ITCH: variants seen among roughly 807,000 people sequenced by gnomAD.
ITCH encodes itchy E3 ubiquitin protein ligase.
In ITCH, 28 loss-of-function variants were observed where a neutral mutation model predicts 126.8. That is an observed-to-expected ratio of 0.22 (90% CI 0.16 to 0.30). The LOEUF (loss-of-function observed/expected upper bound fraction) is 0.30, where lower values mean the gene tolerates loss of function less well. ITCH is among the 10% of genes least tolerant of loss of function. ITCH has a pLI of 1.00. For synonymous variants in ITCH, 342 were observed against 340.0 expected (o/e 1.01, Z -0.06); for missense variants, 631 against 1,032.4 (o/e 0.61, Z 5.33).
intron 10 of ITCH, among the ~76,000 whole-genome samples, chr20:34,444,555 C>A (rs1423648759): frequency 1.3e-5 from 2 of 152,096 alleles, no homozygotes; most frequent in East Asian, 1.9e-4. Context: ...TGCACTCCAT[C>A]CAGTCTGGGC....
At chr20:34,503,660 A>C (rs757341851) in intron 23 of ITCH, among the ~76,000 whole-genome samples, 1 of 152,158 alleles carries the variant, frequency 6.6e-6, no homozygotes, top group African/African-American at 2.4e-5. Context: ...TTTATTAATC[A>C]TAACAATGTG....
chr20:34,376,319 C>T (rs959069055), intron 2 of ITCH, among the ~76,000 whole-genome samples: 1 of 151,944 alleles, frequency 6.6e-6, no homozygotes, highest in Admixed American at 6.6e-5. Context: ...CCTATTGTCC[C>T]AGCTGAAGTG....
At chr20:34,391,352 A>G (rs936521190) in intron 2 of ITCH, among the ~76,000 whole-genome samples, 6 of 152,162 alleles carry the variant, frequency 3.9e-5, no homozygotes, top group African/African-American at 1.4e-4. Flanking sequence ...ATAGGAATAT[A>G]TAGTGTTTTA....
At chr20:34,456,003 G>C (rs895801205) in intron 12 of ITCH, among the ~76,000 whole-genome samples, 2 of 151,230 alleles carry the variant, frequency 1.3e-5, no homozygotes, top group African/African-American at 4.9e-5. Context: ...TAAGGAACGA[G>C]ATATGTTAAG....
intron 20 of ITCH, among the ~76,000 whole-genome samples, chr20:34,487,224 G>C (rs1196955165): frequency 6.6e-6 from 1 of 151,602 alleles, no homozygotes; most frequent in East Asian, 1.9e-4. Context: ...GTGTTAGCCA[G>C]GAAAGTCTCA....
chr20:34,383,748 G>A (rs2038157676), intron 2 of ITCH, among the ~76,000 whole-genome samples: 3 of 151,144 alleles, frequency 2.0e-5, no homozygotes, highest in South Asian at 2.1e-4. Context: ...GGTTGGTCTC[G>A]GAACTCCTAG....
chr20:34,429,436 G>C (rs1826936737), intron 7 of ITCH, among the ~76,000 whole-genome samples: 1 of 152,078 alleles, frequency 6.6e-6, no homozygotes, highest in South Asian at 2.1e-4. Flanking sequence ...TCAAACTTTA[G>C]AGCACATTAG....
chr20:34,476,147 G>A (rs1988195050), intron 16 of ITCH: 1 of 826,140 alleles, frequency 1.2e-6, no homozygotes, highest in Admixed American at 1.7e-5. Flanking sequence ...AAACAAGCCA[G>A]AGTTCCCTCA....
intron 8 of ITCH, 100 bp from the exon 9 acceptor site, chr20:34,440,055 T>C (rs577457331): frequency 2.4e-6 from 2 of 848,658 alleles, no homozygotes; most frequent in Non-Finnish European, 3.8e-6. Context: ...ATCTTAAGTT[T>C]TATATTTATC....
intron 16 of ITCH, among the ~76,000 whole-genome samples, chr20:34,474,058 G>A (rs552447591): frequency 5.3e-5 from 8 of 152,164 alleles, no homozygotes; most frequent in Admixed American, 1.3e-4. Flanking sequence ...TGCTAAAGTC[G>A]CTAAACAAAC....
At chr20:34,394,009 G>A in intron 3 of ITCH, 128 bp downstream of exon 3, 1 of 846,128 alleles carries the variant, frequency 1.2e-6, no homozygotes, top group Non-Finnish European at 2.0e-6. Context: ...AGGTGGGCGG[G>A]TCACTTGAGG....
At chr20:34,365,334 A>G (rs2037380163) in intron 1 of ITCH, among the ~76,000 whole-genome samples, 1 of 152,234 alleles carries the variant, frequency 6.6e-6, no homozygotes, top group South Asian at 2.1e-4. Context: ...AGGATATCAT[A>G]TGAAATTAAA....
At chr20:34,363,657 C>T (rs1046286935) in intron 1 of ITCH, among the ~76,000 whole-genome samples, 2 of 152,114 alleles carry the variant, frequency 1.3e-5, no homozygotes, top group African/African-American at 4.8e-5. Flanking sequence ...GCGTGGGTAC[C>T]GTCCGGCCCC....
chr20:34,465,466 A>G (rs893641919), intron 14 of ITCH, among the ~76,000 whole-genome samples: 2 of 152,192 alleles, frequency 1.3e-5, no homozygotes, highest in Non-Finnish European at 2.9e-5. Flanking sequence ...CAGAATCAAT[A>G]AAATCCATAT....
At chr20:34,371,283 T>C (rs1213023810) in intron 2 of ITCH, among the ~76,000 whole-genome samples, 36 of 144,120 alleles carry the variant, frequency 2.5e-4, no homozygotes, top group Non-Finnish European at 2.9e-4. Context: ...CTTCTTCTTT[T>C]TTTTTTTTTT....
intron 7 of ITCH, among the ~76,000 whole-genome samples, chr20:34,438,268 C>G (rs1983277696): frequency 6.6e-6 from 1 of 152,192 alleles, no homozygotes; most frequent in African/African-American, 2.4e-5. Flanking sequence ...CAACCCATCA[C>G]TCTATCTCTA....
At chr20:34,412,269 T>A (rs1979146960) in intron 4 of ITCH, among the ~76,000 whole-genome samples, 1 of 152,226 alleles carries the variant, frequency 6.6e-6, no homozygotes. Context: ...CAGTTTTACT[T>A]TTGTTGACAA....
chr20:34,424,944 T>G (rs912721966), intron 7 of ITCH, among the ~76,000 whole-genome samples: 4 of 152,210 alleles, frequency 2.6e-5, no homozygotes, highest in Non-Finnish European at 4.4e-5. Context: ...CTGTTTGCTG[T>G]TAGCCCAGGT....
chr20:34,396,508 A>AT (rs947734935), intron 3 of ITCH, among the ~76,000 whole-genome samples: 217 of 144,280 alleles, frequency 1.5e-3, no homozygotes, highest in Middle Eastern at 0.011. Context: ...TATCCATTTA[A>AT]TTTTTTTTTT....
Sources: gnomAD v4.1 joint callset for allele counts (sites outside exome capture counted in the v4.1 genomes callset) on GRCh38, gnomAD v4.1.1 for gene constraint, MANE v1.5 for transcripts, NCBI Gene and HGNC (gene_info 2026-07-23, HGNC 2026-07-21) for gene names.